SEMA6D: variants seen among roughly 807,000 people sequenced by gnomAD.
SEMA6D encodes semaphorin 6D, also known as semaphorin-6D.
A neutral mutation model predicts 106.6 loss-of-function variants in SEMA6D; 35 were observed. That is an observed-to-expected ratio of 0.33 (90% CI 0.25 to 0.44). The LOEUF is 0.44. Among genes scored for constraint, SEMA6D ranks in the 20% least tolerant of loss-of-function variants. The pLI is 1.00. For missense variants in SEMA6D, 1,185 were observed against 1,345.9 expected, an observed-to-expected ratio of 0.88 and a Z score of 1.87; for synonymous variants, 499 against 487.7, an observed-to-expected ratio of 1.02 and a Z score of -0.31.
At chr15:47,374,216 T>G (rs1164591318) in intron 1 of SEMA6D, among the ~76,000 whole-genome samples, 1 of 152,092 alleles carries the variant, frequency 6.6e-6, no homozygotes. Flanking sequence ...ACTGAAACAT[T>G]TATTTGGAAG....
At chr15:47,404,446 C>T (rs1223585414) in intron 1 of SEMA6D, among the ~76,000 whole-genome samples, 1 of 152,076 alleles carries the variant, frequency 6.6e-6, no homozygotes, top group Admixed American at 6.6e-5. Flanking sequence ...CCAGTTGCTG[C>T]TGGTAGAAAT....
At chr15:47,502,837 C>T (rs944206988) in intron 3 of SEMA6D, among the ~76,000 whole-genome samples, 2 of 152,190 alleles carry the variant, frequency 1.3e-5, no homozygotes, top group Admixed American at 1.3e-4. Flanking sequence ...TTGATATTCT[C>T]ATCAAACATG....
At position 47,711,080 on chromosome 15, in the gene SEMA6D, C is replaced by A. The variant is rs539115560; in HGVS notation, c.-54-48665C>A. On this transcript the variant is annotated intron_variant, in intron 4 of 19. Transcript: ENST00000558014. ...ATCCCAGCACTTTGGGAGGCCGAGG[C>A]GGGCGGATCACGAGGTCAGGAGATC... Among the ~76,000 whole-genome samples the A allele has an allele frequency of 4.0e-3, 604 of 151,922 alleles. 5 individuals are homozygous for A. Among genetic ancestry groups the A allele is most frequent in the African/African-American group, 0.014 (584 of 41,426 alleles).
chr15:47,629,479 A>T (rs946338631), intron 4 of SEMA6D, among the ~76,000 whole-genome samples: 2 of 151,972 alleles, frequency 1.3e-5, no homozygotes, highest in Non-Finnish European at 2.9e-5. Flanking sequence ...ATTTATCAGT[A>T]CATGTGAGTG....
intron 4 of SEMA6D, among the ~76,000 whole-genome samples, chr15:47,680,974 C>T (rs1225368417): frequency 2.0e-5 from 3 of 152,152 alleles, no homozygotes; most frequent in Admixed American, 6.5e-5. Flanking sequence ...TGAAACTCGT[C>T]TGAACTGTTG....
At chr15:47,641,416 A>T (rs1352086240) in intron 4 of SEMA6D, among the ~76,000 whole-genome samples, 2 of 151,916 alleles carry the variant, frequency 1.3e-5, no homozygotes, top group Non-Finnish European at 2.9e-5. Context: ...TCTCTCTCTC[A>T]CACTCTCACT....
At chr15:47,188,184 T>C (rs1266782033) in intron 1 of SEMA6D, among the ~76,000 whole-genome samples, 4 of 152,176 alleles carry the variant, frequency 2.6e-5, no homozygotes, top group Non-Finnish European at 4.4e-5. Context: ...TTAGCTCTTA[T>C]TAAATGTTTA....
At chr15:47,515,550 A>G (rs570796670) in intron 3 of SEMA6D, among the ~76,000 whole-genome samples, 1 of 152,300 alleles carries the variant, frequency 6.6e-6, no homozygotes, top group South Asian at 2.1e-4. Flanking sequence ...GAGTGGATAT[A>G]AACTTTTGTA....
At chr15:47,621,128 C>T (rs2077090330) in intron 4 of SEMA6D, among the ~76,000 whole-genome samples, 1 of 152,160 alleles carries the variant, frequency 6.6e-6, no homozygotes, top group Admixed American at 6.5e-5. Flanking sequence ...TGTTAAAGTT[C>T]TAGATGGTAG....
At chr15:47,667,595 G>A (rs763857031) in intron 4 of SEMA6D, among the ~76,000 whole-genome samples, 1 of 152,198 alleles carries the variant, frequency 6.6e-6, no homozygotes, top group African/African-American at 2.4e-5. Flanking sequence ...ATTTCTCACA[G>A]TTGCAGAGGC....
chr15:47,457,673 G>T (rs1196262918), intron 2 of SEMA6D, among the ~76,000 whole-genome samples: 2 of 151,878 alleles, frequency 1.3e-5, no homozygotes, highest in Non-Finnish European at 2.9e-5. Context: ...ATACTTTCAA[G>T]CAGGCTAATA....
chr15:47,519,286 A>G (rs983501005), intron 3 of SEMA6D, among the ~76,000 whole-genome samples: 1 of 152,210 alleles, frequency 6.6e-6, no homozygotes, highest in African/African-American at 2.4e-5. Context: ...TGGCATCACC[A>G]CAAACATGTG....
intron 4 of SEMA6D, among the ~76,000 whole-genome samples, chr15:47,627,959 C>T (rs2077231030): frequency 6.6e-6 from 1 of 152,030 alleles, no homozygotes; most frequent in Non-Finnish European, 1.5e-5. Context: ...TTGAAACTAG[C>T]ATTTTTCACC....
intron 1 of SEMA6D, among the ~76,000 whole-genome samples, chr15:47,376,060 C>T (rs1346359959): frequency 6.6e-6 from 1 of 152,214 alleles, no homozygotes; most frequent in Non-Finnish European, 1.5e-5. Context: ...CTAGCACTGT[C>T]TTCAAACAGG....
intron 1 of SEMA6D, among the ~76,000 whole-genome samples, chr15:47,342,720 T>A (rs1309930780): frequency 6.6e-6 from 1 of 152,202 alleles, no homozygotes; most frequent in Non-Finnish European, 1.5e-5. Context: ...ACTATTTTTT[T>A]ATTTTTTTAA....
At chr15:47,749,563 T>G (rs954244928) in intron 1 of SEMA6D, among the ~76,000 whole-genome samples, 2 of 152,176 alleles carry the variant, frequency 1.3e-5, no homozygotes, top group Non-Finnish European at 2.9e-5. Flanking sequence ...AGTGCTTACA[T>G]TGGAAGCCAG....
intron 1 of SEMA6D, among the ~76,000 whole-genome samples, chr15:47,242,672 A>C (rs2032983342): frequency 6.6e-6 from 1 of 152,174 alleles, no homozygotes; most frequent in Non-Finnish European, 1.5e-5. Context: ...AGAAAATGTT[A>C]TTGGTATCCT....
intron 3 of SEMA6D, among the ~76,000 whole-genome samples, chr15:47,570,890 T>C (rs759795937): frequency 6.6e-6 from 1 of 152,228 alleles, no homozygotes; most frequent in Non-Finnish European, 1.5e-5. Context: ...GGCCTGATGC[T>C]GTGAGAAATG....
chr15:47,755,047 G>C (rs1366101777), intron 1 of SEMA6D, among the ~76,000 whole-genome samples: 1 of 151,416 alleles, frequency 6.6e-6, no homozygotes, highest in Non-Finnish European at 1.5e-5. Context: ...TGCCTCCCAG[G>C]TTCAAGTAAT....
Sources: allele counts gnomAD v4.1 joint callset (sites outside exome capture counted in the v4.1 genomes callset), GRCh38; gene constraint gnomAD v4.1.1; transcripts MANE v1.5; gene names NCBI Gene and HGNC (gene_info 2026-07-23, HGNC 2026-07-21).